The following C1orf21 variants were observed in gnomAD, a reference collection of about 807,000 sequenced individuals.
C1orf21 encodes chromosome 1 open reading frame 21.
A neutral mutation model predicts 18.7 loss-of-function variants in C1orf21; 3 were observed. That is an observed-to-expected ratio of 0.16 (90% CI 0.07 to 0.42). C1orf21 has a LOEUF of 0.42. Ranked by LOEUF, C1orf21 falls within the 10% of genes least tolerant of loss-of-function variation. The probability of loss-of-function intolerance (pLI) is 0.99; values close to 1 mark genes in which losing one functional copy is unlikely to be tolerated. For synonymous variants in C1orf21, 41 were observed against 46.4 expected (o/e 0.88, Z 0.47); for missense variants, 104 against 143.6 (o/e 0.72, Z 1.41).
At chr1:184,407,601 T>C (rs1411575155) in intron 1 of C1orf21, among the ~76,000 whole-genome samples, 1 of 152,144 alleles carries the variant, frequency 6.6e-6, no homozygotes, top group Non-Finnish European at 1.5e-5. Context: ...CAAACACCAT[T>C]TCCCCCCAAA....
chr1:184,524,608 G>A (rs968736149), intron 3 of C1orf21, among the ~76,000 whole-genome samples: 1 of 151,742 alleles, frequency 6.6e-6, no homozygotes, highest in South Asian at 2.1e-4. Context: ...ATATAGAACT[G>A]GGTTTTTTTA....
chr1:184,515,150 A>G (rs530570547), intron 3 of C1orf21, among the ~76,000 whole-genome samples: 64 of 152,234 alleles, frequency 4.2e-4, no homozygotes, highest in Non-Finnish European at 7.5e-4. Flanking sequence ...ATTCTTGGCT[A>G]TTTTCCTGTT....
At chr1:184,590,049 A>G (rs1388326404) in intron 3 of C1orf21, among the ~76,000 whole-genome samples, 2 of 152,204 alleles carry the variant, frequency 1.3e-5, no homozygotes, top group Non-Finnish European at 2.9e-5. Flanking sequence ...AGCACCTTGA[A>G]TATCTTTTTA....
chr1:184,527,106 C>T (rs752606019), intron 3 of C1orf21, among the ~76,000 whole-genome samples: 4 of 152,198 alleles, frequency 2.6e-5, no homozygotes, highest in Admixed American at 1.3e-4. Context: ...AGCATCAAAG[C>T]TCTGTGAAAA....
intron 2 of C1orf21, among the ~76,000 whole-genome samples, chr1:184,480,921 T>C (rs1388003686): frequency 2.0e-5 from 3 of 152,100 alleles, no homozygotes; most frequent in Non-Finnish European, 4.4e-5. Flanking sequence ...CTCAAGACAC[T>C]CTCCAGGTGG....
chr1:184,617,853 AC>A (rs1659852086), intron 5 of C1orf21, among the ~76,000 whole-genome samples: 1 of 149,226 alleles, frequency 6.7e-6, no homozygotes, highest in Non-Finnish European at 1.5e-5. Context: ...GAGCAGCCCC[AC>A]CTGCTTCCAC....
chr1:184,426,523 C>T (rs78800812), intron 1 of C1orf21, among the ~76,000 whole-genome samples: 3,028 of 152,252 alleles, frequency 0.02, 107 homozygotes, highest in African/African-American at 0.068. Context: ...TCTTTCAGTT[C>T]TCTGAATGCC....
At chr1:184,557,866 T>C (rs1658900358) in intron 3 of C1orf21, among the ~76,000 whole-genome samples, 1 of 152,158 alleles carries the variant, frequency 6.6e-6, no homozygotes, top group African/African-American at 2.4e-5. Flanking sequence ...ATAATGTAGC[T>C]GATGGAGCCA....
chr1:184,552,827 G>GATTT (rs1199546194), intron 3 of C1orf21, among the ~76,000 whole-genome samples: 1 of 152,134 alleles, frequency 6.6e-6, no homozygotes, highest in African/African-American at 2.4e-5. Context: ...GATAACAGAT[G>GATTT]ATTTATTTTC....
chr1:184,445,971 T>C (rs890384877), intron 1 of C1orf21, among the ~76,000 whole-genome samples: 3 of 152,214 alleles, frequency 2.0e-5, no homozygotes, highest in African/African-American at 7.2e-5. Context: ...GACAAAATAG[T>C]TACCCATATG....
At chr1:184,600,706 A>G (rs564009633) in intron 5 of C1orf21, among the ~76,000 whole-genome samples, 45 of 152,328 alleles carry the variant, frequency 3.0e-4, no homozygotes, top group Middle Eastern at 3.4e-3. Flanking sequence ...CACTGTTTCC[A>G]CTATTGAATA....
At chr1:184,479,021 C>T (rs947607335) in intron 2 of C1orf21, among the ~76,000 whole-genome samples, 8 of 152,116 alleles carry the variant, frequency 5.3e-5, no homozygotes, top group Non-Finnish European at 1.0e-4. Flanking sequence ...GGGAATGGTA[C>T]GAAAGAGCTA....
intron 1 of C1orf21, among the ~76,000 whole-genome samples, chr1:184,474,004 T>A (rs1657534125): frequency 6.6e-6 from 1 of 152,210 alleles, no homozygotes; most frequent in Admixed American, 6.5e-5. Context: ...TGGACAAGTG[T>A]TTATGTGCAG....
At chr1:184,390,401 GGGTATGGCA>G (rs1339045000) in intron 1 of C1orf21, among the ~76,000 whole-genome samples, 5 of 152,176 alleles carry the variant, frequency 3.3e-5, no homozygotes, top group Admixed American at 2.6e-4. Flanking sequence ...TCAGGAGTGA[GGGTATGGCA>G]GGTCTGATCT....
chr1:184,462,553 G>A lies in C1orf21; in HGVS notation c.-124-14833G>A, dbSNP rs1429498470. On this transcript the variant is annotated intron_variant, in intron 1 of 5. Transcript: ENST00000235307. ...AGGTCTCTTGACATTCTGTTGCTAG[G>A]TTACTGAACCCTGAATTACTGAACC... 2.0e-5 allele frequency among the ~76,000 whole-genome samples: 3 copies of A among 152,088 alleles called. No homozygotes were observed. In the East Asian group the frequency reaches 5.8e-4, roughly 29 times the overall value.
intron 3 of C1orf21, among the ~76,000 whole-genome samples, chr1:184,569,038 T>A (rs919784763): frequency 3.3e-5 from 5 of 152,236 alleles, no homozygotes; most frequent in African/African-American, 9.6e-5. Context: ...GAGCCTGTAG[T>A]AAGAAGAGAC....
chr1:184,618,512 T>G (rs1659865800), intron 5 of C1orf21, among the ~76,000 whole-genome samples: 1 of 152,156 alleles, frequency 6.6e-6, no homozygotes, highest in Non-Finnish European at 1.5e-5. Context: ...AAAATATTTC[T>G]GTTATATAGA....
At chr1:184,449,944 G>A (rs777578021) in intron 1 of C1orf21, among the ~76,000 whole-genome samples, 3 of 152,302 alleles carry the variant, frequency 2.0e-5, no homozygotes, top group East Asian at 3.9e-4. Context: ...GGCTCGCATT[G>A]GATGTTGTAA....
intron 3 of C1orf21, among the ~76,000 whole-genome samples, chr1:184,578,851 A>G (rs1179731679): frequency 3.3e-5 from 5 of 152,184 alleles, no homozygotes; most frequent in African/African-American, 4.8e-5. Flanking sequence ...GTAGGATTGT[A>G]TAAAGGGAAT....
Sources: allele counts gnomAD v4.1 joint callset (sites outside exome capture counted in the v4.1 genomes callset), GRCh38; gene constraint gnomAD v4.1.1; transcripts MANE v1.5; gene names NCBI Gene and HGNC (gene_info 2026-07-23, HGNC 2026-07-21).